Variants in GLI3 observed in about 807,000 individuals in gnomAD.
GLI3 encodes GLI family zinc finger 3, also known as transcription activator GLI3.
In GLI3, 20 loss-of-function variants were observed where a neutral mutation model predicts 100.8. That is an observed-to-expected ratio of 0.20 (90% CI 0.14 to 0.29). The LOEUF is 0.29. Ranked by LOEUF, GLI3 falls within the 10% of genes least tolerant of loss-of-function variation. The pLI is 1.00. For missense variants in GLI3, 2,040 were observed against 2,128.5 expected (o/e 0.96, Z 0.82); for synonymous variants, 938 against 860.5 (o/e 1.09, Z -1.58).
At chr7:42,093,890 G>C (rs2128758331) in intron 3 of GLI3, among the ~76,000 whole-genome samples, 1 of 152,148 alleles carries the variant, frequency 6.6e-6, no homozygotes, top group Admixed American at 6.5e-5. Context: ...AATCAGGAAA[G>C]GGCCACACTC....
In GLI3 at chr7:42,223,306, C is replaced by G. The variant is rs80019165; in HGVS notation, c.-42-11G>C. On this transcript the variant is annotated splice_polypyrimidine_tract_variant and intron_variant, in intron 1 of 14. Coordinates refer to ENST00000395925, the MANE Select transcript of GLI3 (RefSeq NM_000168.6). ...TCGACCAAAAATGCCCTAAAGAAAA[C>G]AACAGAGCCATCAACTTTCCAAAAT... 9,373 of 1,478,754 alleles carry G rather than the reference C, an allele frequency of 6.3e-3. 421 individuals are homozygous for G. In the African/African-American group the frequency reaches 0.11, roughly 17 times the overall value. 91.6% of individuals were successfully genotyped at this position (1,478,754 alleles called of 1,614,324 possible).
chr7:42,131,776 AC>A (rs1191971937), intron 3 of GLI3, among the ~76,000 whole-genome samples: 1 of 152,170 alleles, frequency 6.6e-6, no homozygotes, highest in Non-Finnish European at 1.5e-5. Context: ...AGCTTACAAC[AC>A]TCTTTAAAGT....
At chr7:42,126,280 A>G (rs1786129288) in intron 3 of GLI3, among the ~76,000 whole-genome samples, 1 of 152,246 alleles carries the variant, frequency 6.6e-6, no homozygotes, top group South Asian at 2.1e-4. Context: ...AGACTTCTCA[A>G]CATCCACTTA....
intron 7 of GLI3, among the ~76,000 whole-genome samples, chr7:42,039,535 C>T (rs1784087254): frequency 6.6e-6 from 1 of 152,196 alleles, no homozygotes; most frequent in Non-Finnish European, 1.5e-5. Context: ...CTATGCTTTC[C>T]AATGTCATCT....
chr7:42,014,179 G>A (rs1788694111), intron 10 of GLI3, among the ~76,000 whole-genome samples: 1 of 152,088 alleles, frequency 6.6e-6, no homozygotes, highest in African/African-American at 2.4e-5. Flanking sequence ...TAAAGCTGAT[G>A]CTGGCTCAAG....
intron 3 of GLI3, among the ~76,000 whole-genome samples, chr7:42,138,445 C>CACTT (rs1786483544): frequency 6.6e-6 from 1 of 152,184 alleles, no homozygotes; most frequent in Non-Finnish European, 1.5e-5. Context: ...AAGGTCAACC[C>CACTT]ACTTGGTCAG....
chr7:42,119,366 C>T (rs1046949272), intron 3 of GLI3, among the ~76,000 whole-genome samples: 3 of 152,156 alleles, frequency 2.0e-5, no homozygotes, highest in East Asian at 1.9e-4. Flanking sequence ...TGCTCTTAAC[C>T]ATCCCAAACC....
At chr7:42,124,935 TTC>T (rs544781876) in intron 3 of GLI3, among the ~76,000 whole-genome samples, 239 of 152,314 alleles carry the variant, frequency 1.6e-3, no homozygotes, top group Non-Finnish European at 2.6e-3. Context: ...AGATGAAGTG[TTC>T]CAGGTAGATG....
At chr7:42,080,008 C>T (rs1385001997) in intron 3 of GLI3, among the ~76,000 whole-genome samples, 4 of 152,104 alleles carry the variant, frequency 2.6e-5, no homozygotes, top group South Asian at 4.1e-4. Flanking sequence ...AAATCAAAAG[C>T]GTGTACCCAA....
intron 2 of GLI3, among the ~76,000 whole-genome samples, chr7:42,178,993 A>G (rs1049911093): frequency 6.6e-6 from 1 of 152,154 alleles, no homozygotes; most frequent in African/African-American, 2.4e-5. Flanking sequence ...AAGAAAAGGC[A>G]GTGGGCAGTA....
intron 3 of GLI3, among the ~76,000 whole-genome samples, chr7:42,125,819 G>A (rs1002286179): frequency 2.6e-5 from 4 of 152,128 alleles, no homozygotes; most frequent in Non-Finnish European, 4.4e-5. Flanking sequence ...AATGGGGTTC[G>A]ATGGAGCTGG....
intron 4 of GLI3, among the ~76,000 whole-genome samples, chr7:42,062,804 C>A (rs978322027): frequency 6.6e-6 from 1 of 151,978 alleles, no homozygotes; most frequent in Non-Finnish European, 1.5e-5. Flanking sequence ...CTAAATCCAG[C>A]CTTTCCATAT....
intron 2 of GLI3, among the ~76,000 whole-genome samples, chr7:42,198,661 T>C (rs977604716): frequency 9.9e-5 from 15 of 152,220 alleles, no homozygotes; most frequent in African/African-American, 3.4e-4. Flanking sequence ...ATCAAGACTG[T>C]AGAACTTCCC....
chr7:42,143,147 C>T (rs1266797166), intron 3 of GLI3, among the ~76,000 whole-genome samples: 1 of 152,174 alleles, frequency 6.6e-6, no homozygotes, highest in Admixed American at 6.5e-5. Flanking sequence ...GCTCTTACTG[C>T]AATTCAAGAC....
At chr7:42,100,777 C>A (rs1340818785) in intron 3 of GLI3, among the ~76,000 whole-genome samples, 4 of 152,018 alleles carry the variant, frequency 2.6e-5, no homozygotes, top group African/African-American at 9.7e-5. Flanking sequence ...TGTACACAGA[C>A]ACACCACAGG....
intron 3 of GLI3, among the ~76,000 whole-genome samples, chr7:42,115,133 CTTTT>C (rs56200386): frequency 0.011 from 1,102 of 99,580 alleles, 4 homozygotes; most frequent in Middle Eastern, 0.056. Context: ...AATTTTCCTA[CTTTT>C]TTTTTTTTTT....
chr7:42,130,223 C>G (rs1490698752), intron 3 of GLI3, among the ~76,000 whole-genome samples: 1 of 152,098 alleles, frequency 6.6e-6, no homozygotes, highest in African/African-American at 2.4e-5. Flanking sequence ...CCAACTGATA[C>G]ACGTGGTCAG....
At position 41,971,730 on chromosome 7, in the gene GLI3, C is replaced by T. The variant is rs116733224; in HGVS notation, c.2103+607G>A. 2.0e-3 allele frequency among the ~76,000 whole-genome samples: 309 copies of T among 152,244 alleles called. 2 individuals are homozygous for T. Among genetic ancestry groups the T allele is most frequent in the African/African-American group, 6.8e-3 (282 of 41,558 alleles). ...GAACAAAAAAACAAACAAAAAAACT[C>T]ACCCCTGCTATGCTGTTCCCCTCCC... On this transcript the variant is annotated intron_variant, in intron 13 of 14. Transcript: ENST00000395925.
At chr7:41,981,120 G>A (rs140434969) in intron 10 of GLI3, among the ~76,000 whole-genome samples, 117 of 152,252 alleles carry the variant, frequency 7.7e-4, no homozygotes, top group African/African-American at 2.6e-3. Flanking sequence ...ACAGCGGACC[G>A]ATGACACAGA....
Sources: allele counts gnomAD v4.1 joint callset (sites outside exome capture counted in the v4.1 genomes callset), GRCh38; gene constraint gnomAD v4.1.1; transcripts MANE v1.5; gene names NCBI Gene and HGNC (gene_info 2026-07-23, HGNC 2026-07-21).